PCDHA9: variants seen among roughly 807,000 people sequenced by gnomAD.
PCDHA9 encodes the protein protocadherin alpha-9.
PCDHA9 carries 62 observed loss-of-function variants against 62.0 expected under a neutral mutation model. That is an observed-to-expected ratio of 1.00 (90% CI 0.81 to 1.23). PCDHA9 has a LOEUF of 1.23. Ranked by LOEUF, PCDHA9 falls within the 50% of genes most tolerant of loss-of-function variation. The pLI is 0.00. For missense variants in PCDHA9, 1,205 were observed against 1,249.8 expected (o/e 0.96, Z 0.54); for synonymous variants, 557 against 567.6 (o/e 0.98, Z 0.27).
chr5:141,008,731 A>G (rs570212555), intron 3 of PCDHA9, among the ~76,000 whole-genome samples: 88 of 152,328 alleles, frequency 5.8e-4, no homozygotes, highest in Non-Finnish European at 1.0e-3. Flanking sequence ...GTCCAACTAG[A>G]CTGTGAGCAC....
At chr5:140,914,263 G>T (rs950921953) in intron 1 of PCDHA9, among the ~76,000 whole-genome samples, 2 of 151,932 alleles carry the variant, frequency 1.3e-5, no homozygotes, top group South Asian at 2.1e-4. Flanking sequence ...TTCAATGGTG[G>T]GTGCATATAT....
At chr5:141,005,632 G>C (rs2098225457) in intron 3 of PCDHA9, among the ~76,000 whole-genome samples, 2 of 148,162 alleles carry the variant, frequency 1.3e-5, no homozygotes, top group Non-Finnish European at 3.0e-5. Context: ...AACCCGGGAG[G>C]CGGAGCTTGC....
At chr5:140,876,843 G>A (rs1554169011) in intron 1 of PCDHA9, 3 of 1,614,128 alleles carry the variant, frequency 1.9e-6, no homozygotes, top group East Asian at 2.2e-5. Flanking sequence ...CGTTCGCGCA[G>A]CCCGAGTACA....
At chr5:140,917,324 C>CGGT (rs2078038330) in intron 1 of PCDHA9, among the ~76,000 whole-genome samples, 1 of 76,126 alleles carries the variant, frequency 1.3e-5, no homozygotes, top group Admixed American at 1.5e-4. Flanking sequence ...GTTCATGTGG[C>CGGT]GGGGGAGGGG....
intron 3 of PCDHA9, among the ~76,000 whole-genome samples, chr5:140,992,799 A>T (rs577698123): frequency 6.6e-6 from 1 of 152,274 alleles, no homozygotes; most frequent in African/African-American, 2.4e-5. Flanking sequence ...TTATGGATCC[A>T]TATGTATCTA....
rs1365314674 is a variant in PCDHA9, at chr5:140,850,378, C to A, written c.1883C>A (p.Thr628Lys). 1.3e-6 allele frequency: 2 copies of A among 1,597,842 alleles called. No homozygotes were observed. Among genetic ancestry groups the A allele is most frequent in the East Asian group, 2.2e-5 (1 of 44,846 alleles). The change falls in exon 1 of 4, where the codon ACG (threonine) becomes AAG (lysine). Residue 628 changes from threonine (T) to lysine (K), a missense_variant. Thr to Lys is a moderately conservative substitution (Grantham distance 78). This residue lies in a region of PCDHA9 where 887 missense variants were observed against 809.5 expected (regional missense o/e 1.10). Transcript: ENST00000532602. ...ATCCCGTTCCGCGTGGGGCTGTACA[C>A]GGGCGAGATCAGCACAACGCGTGCC... The part of the protein sequence containing the change: ...ASIPFRVGLY[T>K]GEISTTRALD...
rs201231291 is a variant in PCDHA9, at chr5:140,849,957, G to T, written c.1462G>T (p.Ala488Ser). ...GCGGGACGCTGACGCGCAGGAGAAC[G>T]CCCTGGTGTCCTACTCGCTGGTGGA... ...SARDADAQENALVSYSLVERR... is the reference protein window; with the variant it reads ...SARDADAQENSLVSYSLVERR... The change falls in exon 1 of 4, where the codon GCC becomes TCC. Residue 488 changes from alanine to serine, a missense_variant. By Grantham distance (99) the Ala-to-Ser change is moderately conservative. This residue lies in a region of PCDHA9 where 887 missense variants were observed against 809.5 expected (regional missense o/e 1.10). Coordinates refer to ENST00000532602, the MANE Select transcript of PCDHA9 (RefSeq NM_031857.2). 28 of 1,597,916 alleles carry T rather than the reference G, an allele frequency of 1.8e-5. 1 individual carries two copies. The East Asian group carries it at 6.0e-4, about 34-fold the overall frequency.
intron 3 of PCDHA9, among the ~76,000 whole-genome samples, chr5:141,000,587 C>A (rs181671847): frequency 0.01 from 1,575 of 150,790 alleles, 20 homozygotes; most frequent in Non-Finnish European, 0.016. Context: ...GCCACCATGC[C>A]CAGCTAATTT....
intron 1 of PCDHA9, chr5:140,855,906 C>G (rs1442009275): frequency 3.5e-6 from 4 of 1,137,256 alleles, no homozygotes; most frequent in Non-Finnish European, 3.7e-6. Context: ...CAGCCAGTTT[C>G]TCAAGGACTA....
At chr5:140,985,519 C>G (rs945399310) in intron 3 of PCDHA9, among the ~76,000 whole-genome samples, 7 of 152,120 alleles carry the variant, frequency 4.6e-5, no homozygotes, top group African/African-American at 1.7e-4. Flanking sequence ...TTCTGTTGCC[C>G]TTAAAGCTTC....
Position 140,982,534 on chromosome 5 carries a change from A to G in PCDHA9, c.2513A>G (p.Gln838Arg), listed in dbSNP as rs1554244431. Residue 838 changes from glutamine (Q) to arginine (R), a missense_variant, in exon 3 of 4, where the codon CAG becomes CGG. By Grantham distance (43) the Gln-to-Arg change is conservative. This residue lies in a region of PCDHA9 where 887 missense variants were observed against 809.5 expected (regional missense o/e 1.10). Transcript: ENST00000532602. ...GCTGGTCCAGGAGGGCCTGATCAGC[A>G]GTGGCCAACAGTATCCAGTGCAACA... ...LRAGPGGPDQ[Q>R]WPTVSSATPE... 1 of 1,614,222 alleles carries G rather than the reference A, an allele frequency of 6.2e-7. No homozygotes were observed. Among genetic ancestry groups the G allele is most frequent in the Non-Finnish European group, 8.5e-7 (1 of 1,180,036 alleles).
At chr5:140,882,201 C>T in intron 1 of PCDHA9, 1 of 1,528,460 alleles carries the variant, frequency 6.5e-7, no homozygotes, top group Non-Finnish European at 8.8e-7. Context: ...AAAATTGGGC[C>T]TTGAGAGACA....
chr5:140,960,553 C>T (rs2095555809), intron 1 of PCDHA9, among the ~76,000 whole-genome samples: 1 of 152,078 alleles, frequency 6.6e-6, no homozygotes, highest in Non-Finnish European at 1.5e-5. Context: ...TTCATATAGA[C>T]TGAGCTTAGG....
intron 1 of PCDHA9, among the ~76,000 whole-genome samples, chr5:140,937,306 G>A (rs994842470): frequency 4.3e-4 from 66 of 152,048 alleles, no homozygotes; most frequent in African/African-American, 1.6e-3. Flanking sequence ...CAAAGTGCTG[G>A]GATTACAGGC....
At chr5:140,851,475 T>C (rs1554145417) in intron 1 of PCDHA9, 2 of 890,456 alleles carry the variant, frequency 2.2e-6, no homozygotes, top group African/African-American at 3.6e-5. Flanking sequence ...CAATAAATGT[T>C]ATAAACACAG....
chr5:140,942,157 T>C (rs2093241169), intron 1 of PCDHA9, among the ~76,000 whole-genome samples: 1 of 152,236 alleles, frequency 6.6e-6, no homozygotes, highest in Non-Finnish European at 1.5e-5. Context: ...TAAAACAGCT[T>C]CCATATTTCT....
At position 140,848,824 on chromosome 5, in the gene PCDHA9, T is replaced by C. The variant is rs2150421709; in HGVS notation, c.329T>C (p.Val110Ala). The change falls in exon 1 of 4, where the codon GTA (valine) becomes GCA (alanine). Residue 110 changes from valine (V) to alanine (A), a missense_variant. Physicochemically the swap from Val to Ala is moderately conservative, Grantham distance 64. Coordinates refer to ENST00000532602, the MANE Select transcript of PCDHA9 (RefSeq NM_031857.2). ...AECSIHLEVI[V>A]DRPLQVFHVD... is the part of the protein sequence containing the mutation. ...TGCAGCATCCACCTGGAGGTGATCG[T>C]AGACAGGCCGCTGCAGGTTTTCCAT... 7.5e-6 allele frequency: 12 copies of C among 1,590,566 alleles called. 1 individual carries two copies. In the Middle Eastern group the frequency reaches 1.4e-3, roughly 180 times the overall value.
At chr5:140,935,598 G>A (rs540310470) in intron 1 of PCDHA9, among the ~76,000 whole-genome samples, 5 of 152,148 alleles carry the variant, frequency 3.3e-5, no homozygotes, top group Admixed American at 6.5e-5. Context: ...TAGATACAGA[G>A]CTAGGCTTTT....
intron 1 of PCDHA9, chr5:140,882,727 A>G (rs1554175345): frequency 6.2e-7 from 1 of 1,614,250 alleles, no homozygotes. Context: ...CTCGATTTCC[A>G]CTAGATGGCG....
Sources: gnomAD v4.1 joint callset for allele counts (sites outside exome capture counted in the v4.1 genomes callset) on GRCh38, gnomAD v4.1.1 for gene constraint, gnomAD v4.1.1 regional missense constraint, MANE v1.5 for transcripts, NCBI Gene and HGNC (gene_info 2026-07-23, HGNC 2026-07-21) for gene names.